Variants in FUOM observed in about 807,000 individuals in gnomAD.
The protein encoded by FUOM is protein fucU homolog.
FUOM carries 19 observed loss-of-function variants against 18.3 expected under a neutral mutation model. That is an observed-to-expected ratio of 1.04 (90% confidence interval 0.73 to 1.53). FUOM has a LOEUF of 1.53. Among genes scored for constraint, FUOM ranks in the 40% most tolerant of loss-of-function variants. The probability of loss-of-function intolerance (pLI) is 0.00; values close to 1 mark genes in which losing one functional copy is unlikely to be tolerated. For synonymous variants in FUOM, 102 were observed against 87.9 expected (o/e 1.16, Z -0.90); for missense variants, 210 against 200.9 (o/e 1.04, Z -0.27).
chr10:133,355,836 G>A (rs988036161), intron 4 of FUOM, 25 bp from the exon 5 acceptor site: 8 of 1,594,494 alleles, frequency 5.0e-6, no homozygotes, highest in Non-Finnish European at 6.0e-6. Context: ...GGCAGGGTTG[G>A]AGGGAACCCT....
intron 1 of FUOM, 44 bp from the exon 2 acceptor site, chr10:133,357,299 C>T (rs1564798960): frequency 6.5e-7 from 1 of 1,542,636 alleles, no homozygotes; most frequent in Non-Finnish European, 8.8e-7. Flanking sequence ...CTATCCCTGC[C>T]CTCGGGGTCG....
At position 133,357,993 on chromosome 10, in the gene FUOM, C is replaced by T. The variant is rs749267993; in HGVS notation, c.15G>A (p.Lys5=). The part of the protein sequence containing the change: MVAL[K]GVPALLSPEL... Reference sequence around the variant, plus strand: ...CGGGGGACAGCAGTGCGGGGACACCCTTCAGCGCCACCATGGCCCGGCAGA... The same window carrying T: ...CGGGGGACAGCAGTGCGGGGACACCTTTCAGCGCCACCATGGCCCGGCAGA... The change falls in exon 1 of 6, where the codon AAG becomes AAA. Residue 5 remains lysine (K), a synonymous_variant. Transcript: ENST00000278025. 2 of 1,509,690 alleles carry T rather than the reference C, an allele frequency of 1.3e-6. No homozygotes were observed. The highest frequency in any genetic ancestry group is 1.8e-6 in the Non-Finnish European group (2 of 1,133,752). The allele number at this position is 1,509,690 out of a possible 1,614,324, so 93.5% of individuals were successfully genotyped here. A position where few individuals can be genotyped will look rare whatever the true frequency, so the allele number is the denominator to read the frequency against.
At chr10:133,355,569 G>A (rs1848765657) in intron 5 of FUOM, 133 bp from the exon 6 acceptor site, 1 of 1,606,638 alleles carries the variant, frequency 6.2e-7, no homozygotes, top group African/African-American at 1.3e-5. Flanking sequence ...TGGGGGCCCT[G>A]CCCCCCCGAA....
chr10:133,356,931 C>T lies in FUOM; in HGVS notation c.225+12G>A. The T allele has an allele frequency of 6.5e-7, 1 of 1,549,972 alleles. No homozygotes were observed. The highest frequency in any genetic ancestry group is 8.7e-7 in the Non-Finnish European group (1 of 1,146,692). The stretch of plus-strand genomic sequence containing the variant: ...ACGGAGCAGCAGGGTGCAGGGGCGA[C>T]TCAGCCCTCACCGGACTCTCCACAT... On this transcript the variant is annotated intron_variant, in intron 3 of 5. Coordinates refer to ENST00000278025, the MANE Select transcript of FUOM (RefSeq NM_001098483.3).
At chr10:133,355,887 C>A in intron 4 of FUOM, 76 bp from the exon 5 acceptor site, 2 of 1,241,040 alleles carry the variant, frequency 1.6e-6, no homozygotes, top group Admixed American at 1.7e-5. Context: ...CTCCCCAGGG[C>A]CCAAAGCAGG....
At chr10:133,357,873 C>T (rs933382780) in intron 1 of FUOM, 50 bp downstream of exon 1, 3 of 1,461,628 alleles carry the variant, frequency 2.1e-6, no homozygotes, top group Non-Finnish European at 2.8e-6. Context: ...AAGCCTCGCC[C>T]TCCTGCCTGT....
chr10:133,356,388 C>A (rs888373411), intron 4 of FUOM, among the ~76,000 whole-genome samples: 3 of 152,226 alleles, frequency 2.0e-5, no homozygotes, highest in Non-Finnish European at 4.4e-5. Flanking sequence ...GACAACCCAC[C>A]TGGCAGGTCA....
chr10:133,353,065 T>G (rs1848708886), downstream of FUOM, among the ~76,000 whole-genome samples: 1 of 152,148 alleles, frequency 6.6e-6, no homozygotes, highest in South Asian at 2.1e-4. Flanking sequence ...GGGACCAGTC[T>G]CAGCTGAGAA....
In FUOM at chr10:133,357,947, G is replaced by T; in HGVS notation, c.61C>A (p.Arg21=). The T allele has an allele frequency of 6.6e-7, 1 of 1,525,990 alleles. No individual in the cohort carries two copies. The allele number at this position is 1,525,990 out of a possible 1,614,324, so 94.5% of individuals were successfully genotyped here. ...CCGATCTCGTCCCCGTGCCCCATCC[G>T]CGCCAGCGCGTAGAGCAGCTCGGGG... The part of the protein sequence containing the change: ...LSPELLYALA[R]MGHGDEIVLA... Residue 21 remains arginine (R), a synonymous_variant, in exon 1 of 6, where the codon CGG becomes AGG. Transcript: ENST00000278025.
At position 133,356,620 on chromosome 10, in the gene FUOM, A is replaced by G; in HGVS notation, c.324+20T>C. 2.0e-6 allele frequency: 3 copies of G among 1,518,084 alleles called. No individual in the cohort carries two copies. Among genetic ancestry groups the G allele is most frequent in the Non-Finnish European group, 2.7e-6 (3 of 1,127,744 alleles). 94.0% of individuals were successfully genotyped at this position (1,518,084 alleles called of 1,614,324 possible). On this transcript the variant is annotated intron_variant, in intron 4 of 5. Transcript: ENST00000278025. ...AGAGGGTCCCTGGCCTTTTCCCCAC[A>G]ACTGGGGCTGCAGGCTTACCACACA...
chr10:133,354,306 G>C (rs938989654), downstream of FUOM, among the ~76,000 whole-genome samples: 3 of 152,282 alleles, frequency 2.0e-5, no homozygotes, highest in Admixed American at 6.5e-5. Flanking sequence ...AGGCGGACAG[G>C]ACCCCAAAGT....
At position 133,357,001 on chromosome 10, in the gene FUOM, G is replaced by A. The variant is rs1207857634; in HGVS notation, c.167C>T (p.Pro56Leu). 10 of 1,550,020 alleles carry A rather than the reference G, an allele frequency of 6.5e-6. No individual in the cohort carries two copies. The highest frequency in any genetic ancestry group is 5.9e-5 in the South Asian group (5 of 84,056). Residue 56 changes from proline (P) to leucine (L), a missense_variant, in exon 3 of 6, where the codon CCG (proline) becomes CTG (leucine). Physicochemically the swap from Pro to Leu is moderately conservative, Grantham distance 98 (BLOSUM62 -3). Coordinates refer to ENST00000278025, the MANE Select transcript of FUOM (RefSeq NM_001098483.3). Reference protein sequence around the residue: ...MEIRADGLGIPQLLEAVLKLL... With the variant: ...MEIRADGLGILQLLEAVLKLL... ...CTTCAGCACGGCCTCCAGGAGCTGC[G>A]GGATGCCCAGGCCTGGAGGGCAGAG...
downstream of FUOM, among the ~76,000 whole-genome samples, chr10:133,353,698 T>C (rs1391333523): frequency 6.6e-6 from 1 of 152,190 alleles, no homozygotes; most frequent in African/African-American, 2.4e-5. Flanking sequence ...GCTGTTACCC[T>C]GGCTTATGGA....
chr10:133,356,077 C>G (rs1391776845), intron 4 of FUOM, among the ~76,000 whole-genome samples: 4 of 152,188 alleles, frequency 2.6e-5, no homozygotes, highest in Non-Finnish European at 5.9e-5. Flanking sequence ...AGTAGACTGT[C>G]GAGCCCCTGC....
At chr10:133,355,952 C>T (rs1848781583) in intron 4 of FUOM, 141 bp from the exon 5 acceptor site, 2 of 735,442 alleles carry the variant, frequency 2.7e-6, no homozygotes, top group East Asian at 5.0e-5. Flanking sequence ...GCAAGGGCCC[C>T]ACGGTCACTC....
At chr10:133,357,563 G>C in intron 1 of FUOM, 1 of 496,332 alleles carries the variant, frequency 2.0e-6, no homozygotes, top group Non-Finnish European at 3.6e-6. Context: ...GGGGCCAGAG[G>C]ACGCGCGGCT....
chr10:133,356,177 C>T (rs937828421), intron 4 of FUOM, among the ~76,000 whole-genome samples: 2 of 152,226 alleles, frequency 1.3e-5, no homozygotes, highest in South Asian at 2.1e-4. Flanking sequence ...GTGGGTTGCC[C>T]AGGAAAATGG....
intron 4 of FUOM, 118 bp from the exon 5 acceptor site, chr10:133,355,929 G>A: frequency 5.7e-6 from 5 of 870,048 alleles, no homozygotes; most frequent in Non-Finnish European, 7.7e-6. Flanking sequence ...TCCATTTCTT[G>A]GGCTCTCCCC....
intron 1 of FUOM, 81 bp from the exon 2 acceptor site, chr10:133,357,336 T>A (rs1048479472): frequency 3.6e-6 from 5 of 1,375,674 alleles, no homozygotes; most frequent in Non-Finnish European, 2.0e-6. Flanking sequence ...CACCCAGTCA[T>A]GGCGGCAGAT....
Sources: gnomAD v4.1 joint callset for allele counts (sites outside exome capture counted in the v4.1 genomes callset) on GRCh38, gnomAD v4.1.1 for gene constraint, MANE v1.5 for transcripts, NCBI Gene and HGNC (gene_info 2026-07-23, HGNC 2026-07-21) for gene names.